The following SULF2 variants were observed in gnomAD, a reference collection of about 807,000 sequenced individuals.
SULF2 encodes the protein sulfatase 2.
A neutral mutation model predicts 107.7 loss-of-function variants in SULF2; 52 were observed. The ratio of observed to expected loss-of-function variants is 0.48; its 90% confidence interval spans 0.39 to 0.61. The LOEUF is 0.61. SULF2 is among the 20% of genes least tolerant of loss of function. The pLI, the probability that SULF2 is intolerant of heterozygous loss-of-function variation, is 0.00. For missense variants in SULF2, 993 were observed against 1,177.3 expected (o/e 0.84, Z 2.29); for synonymous variants, 460 against 464.3 (o/e 0.99, Z 0.12).
chr20:47,727,023 G>A (rs13041999), intron 3 of SULF2, among the ~76,000 whole-genome samples: 20,003 of 150,014 alleles, frequency 0.13, 1,806 homozygotes, highest in Middle Eastern at 0.24. Flanking sequence ...AGAGCGGCAG[G>A]TTTGCTCAGT....
intron 11 of SULF2, among the ~76,000 whole-genome samples, chr20:47,671,227 T>G (rs1394591775): frequency 6.6e-6 from 1 of 152,244 alleles, no homozygotes; most frequent in Non-Finnish European, 1.5e-5. Context: ...GAGAATGAGG[T>G]GTGAAGGTGT....
Position 47,666,414 on chromosome 20 carries a change from C to T in SULF2, c.1651G>A (p.Val551Ile), listed in dbSNP as rs200804767. The T allele has an allele frequency of 4.0e-5, 64 of 1,613,916 alleles. No individual in the cohort carries two copies. The highest frequency in any genetic ancestry group is 2.1e-4 in the South Asian group (19 of 91,082). ...AIEVDGRVYH[V>I]GLGDAAQPRN... ...GGCTGGGCGGCATCACCCAGGCCTA[C>T]GTGGTACACCCTGCCGTCCACCTCG... The change falls in exon 12 of 21, where the codon GTA (valine) becomes ATA (isoleucine). Residue 551 changes from valine (V) to isoleucine (I), a missense_variant. Around this residue, in one of 3 missense-constraint regions of SULF2, gnomAD observed 497 missense variants for 544.1 expected, o/e 0.91. Transcript: ENST00000688720. This position sits in a 1 kb window ranked among gnomAD's most constrained non-coding sequence, Gnocchi z 5.4.
intron 1 of SULF2, among the ~76,000 whole-genome samples, chr20:47,774,564 T>C (rs986478012): frequency 4.6e-5 from 7 of 152,186 alleles, no homozygotes; most frequent in Non-Finnish European, 1.0e-4. Flanking sequence ...ACCTGAGCTA[T>C]GGGGCCCTGG....
intron 20 of SULF2, among the ~76,000 whole-genome samples, 155 bp from the exon 21 acceptor site, chr20:47,658,547 C>T (rs1296182781): frequency 6.6e-6 from 1 of 152,150 alleles, no homozygotes; most frequent in Non-Finnish European, 1.5e-5. Flanking sequence ...ACCTAGTCAC[C>T]TCAATTTTTT....
At chr20:47,773,279 C>A (rs1261680008) in intron 1 of SULF2, among the ~76,000 whole-genome samples, 2 of 152,198 alleles carry the variant, frequency 1.3e-5, no homozygotes, top group Non-Finnish European at 2.9e-5. Flanking sequence ...GTCTTAAGAG[C>A]TTTGGAGGAA....
At chr20:47,660,481 C>G (rs551734937) in intron 18 of SULF2, among the ~76,000 whole-genome samples, 1 of 152,194 alleles carries the variant, frequency 6.6e-6, no homozygotes, top group African/African-American at 2.4e-5. Flanking sequence ...GACATGAACT[C>G]TAGGCATCCT....
chr20:47,696,823 C>T (rs1050709069), intron 4 of SULF2, among the ~76,000 whole-genome samples: 1 of 152,156 alleles, frequency 6.6e-6, no homozygotes, highest in Non-Finnish European at 1.5e-5. Context: ...TAAGGCAGAC[C>T]GGCCTCATCC....
chr20:47,785,926 G>A (rs530228665), upstream of SULF2: 1 of 152,802 alleles, frequency 6.5e-6, no homozygotes, highest in African/African-American at 2.4e-5. Flanking sequence ...GCTCCGGACG[G>A]GGCAGTGAAC....
chr20:47,672,664 T>G (rs1292511695), intron 10 of SULF2: 1 of 530,212 alleles, frequency 1.9e-6, no homozygotes, highest in Non-Finnish European at 2.4e-6. Context: ...TCCACCCACA[T>G]GGCAGCTAGA....
intron 3 of SULF2, among the ~76,000 whole-genome samples, chr20:47,717,342 G>C (rs2089154501): frequency 6.6e-6 from 1 of 152,176 alleles, no homozygotes; most frequent in South Asian, 2.1e-4. Flanking sequence ...CAACTGCCAA[G>C]TGTCAGAGCT....
chr20:47,781,195 G>C (rs2090827408), intron 1 of SULF2, among the ~76,000 whole-genome samples: 1 of 152,256 alleles, frequency 6.6e-6, no homozygotes, highest in South Asian at 2.1e-4. Flanking sequence ...TGGTGGAAGG[G>C]AGAGGCATTG....
rs924742944 is a variant in SULF2 at position 47,712,609 on chromosome 20, C to T, written c.416-9939G>A. Among the ~76,000 whole-genome samples the T allele has an allele frequency of 3.9e-5, 6 of 152,162 alleles. No homozygotes were observed. The East Asian group carries it at 1.2e-3, about 29-fold the overall frequency. Reference sequence around the variant, plus strand: ...GAGTGTGCACACGGTGAGCAGTGGCCGACAGGAGGGCTGGGTAGGTGCACC... The same window carrying T: ...GAGTGTGCACACGGTGAGCAGTGGCTGACAGGAGGGCTGGGTAGGTGCACC... On this transcript the variant is annotated intron_variant, in intron 3 of 20. Coordinates refer to ENST00000688720, the MANE Select transcript of SULF2 (RefSeq NM_001387048.1).
chr20:47,766,930 T>C (rs887915418), intron 1 of SULF2, among the ~76,000 whole-genome samples: 3 of 149,222 alleles, frequency 2.0e-5, no homozygotes, highest in Non-Finnish European at 4.4e-5. Context: ...ACTTGCTTTG[T>C]ACTGTTTCAT....
chr20:47,719,860 G>C (rs551221848), intron 3 of SULF2, among the ~76,000 whole-genome samples: 29 of 152,274 alleles, frequency 1.9e-4, no homozygotes, highest in Non-Finnish European at 3.1e-4. Flanking sequence ...TGTAAAACCT[G>C]GCAGCAGACT....
intron 1 of SULF2, among the ~76,000 whole-genome samples, chr20:47,764,333 G>C (rs574234661): frequency 1.3e-5 from 2 of 151,688 alleles, no homozygotes; most frequent in South Asian, 4.2e-4. Flanking sequence ...TTAAAACAAT[G>C]CTTGCGGCAT....
rs541648880 is a variant in SULF2, at chr20:47,673,659, C to T, written c.1381-1266G>A. Among the ~76,000 whole-genome samples, 3 of 152,360 alleles carry T rather than the reference C, an allele frequency of 2.0e-5. No homozygotes were observed. The South Asian group carries it at 6.2e-4, about 32-fold the overall frequency. ...ACCCTCCCATCCCCTTCAATGCATG[C>T]AGGCCCTTCCAGCAACCTGGATTCC... is the stretch of plus-strand genomic sequence containing the variant. On this transcript the variant is annotated intron_variant, in intron 10 of 20. Transcript: ENST00000688720.
At chr20:47,722,274 T>A (rs776211601) in intron 3 of SULF2, among the ~76,000 whole-genome samples, 7 of 152,198 alleles carry the variant, frequency 4.6e-5, no homozygotes, top group Non-Finnish European at 1.0e-4. Context: ...TCATTTTTTT[T>A]ATTCGTTTGA....
chr20:47,768,386 T>C (rs1411558433), intron 1 of SULF2, among the ~76,000 whole-genome samples: 1 of 152,256 alleles, frequency 6.6e-6, no homozygotes, highest in Non-Finnish European at 1.5e-5. Context: ...TTCCCCATAC[T>C]TTTGACTCTT....
At chr20:47,770,688 G>A (rs908688252) in intron 1 of SULF2, among the ~76,000 whole-genome samples, 35 of 152,212 alleles carry the variant, frequency 2.3e-4, no homozygotes, top group African/African-American at 6.3e-4. Flanking sequence ...GCTTTGTAAC[G>A]TCTGAGGCCA....
Sources: gnomAD v4.1 joint callset for allele counts (sites outside exome capture counted in the v4.1 genomes callset) on GRCh38, gnomAD v4.1.1 for gene constraint, gnomAD v4.1.1 regional missense constraint, Gnocchi (gnomAD v3.1) non-coding constraint, MANE v1.5 for transcripts, NCBI Gene and HGNC (gene_info 2026-07-23, HGNC 2026-07-21) for gene names.